CNTN5: variants seen among roughly 807,000 people sequenced by gnomAD.
The protein encoded by CNTN5 is contactin 5.
CNTN5 carries 77 observed loss-of-function variants against 129.1 expected under a neutral mutation model. The observed-to-expected ratio is 0.60, with a 90% CI of 0.50 to 0.72. The LOEUF (loss-of-function observed/expected upper bound fraction) is 0.72. CNTN5 is among the 30% of genes least tolerant of loss of function. The pLI is 0.00. For missense variants in CNTN5, 1,478 were observed against 1,328.8 expected, an observed-to-expected ratio of 1.11 and a Z score of -1.75; for synonymous variants, 509 against 465.6, an observed-to-expected ratio of 1.09 and a Z score of -1.20.
At chr11:99,710,888 C>T (rs989043403) in intron 3 of CNTN5, among the ~76,000 whole-genome samples, 1 of 151,736 alleles carries the variant, frequency 6.6e-6, no homozygotes, top group Non-Finnish European at 1.5e-5. Flanking sequence ...ATATTTAGAA[C>T]ATAACTAAAA....
intron 6 of CNTN5, among the ~76,000 whole-genome samples, chr11:99,853,367 A>ATT (rs1324100266): frequency 6.6e-6 from 1 of 151,774 alleles, no homozygotes; most frequent in Non-Finnish European, 1.5e-5. Context: ...GTATGTGTGT[A>ATT]TATGTAATAT....
chr11:99,236,168 C>T (rs1471249927), intron 1 of CNTN5, among the ~76,000 whole-genome samples: 1 of 152,044 alleles, frequency 6.6e-6, no homozygotes, highest in Non-Finnish European at 1.5e-5. Flanking sequence ...CGGTATACCA[C>T]TCATAATTGA....
At chr11:99,391,008 A>G (rs1299367632) in intron 2 of CNTN5, among the ~76,000 whole-genome samples, 3 of 152,092 alleles carry the variant, frequency 2.0e-5, no homozygotes, top group Non-Finnish European at 4.4e-5. Context: ...TTTTAACTAA[A>G]TAACTTCACT....
At chr11:99,142,536 T>A (rs117736976) in intron 1 of CNTN5, among the ~76,000 whole-genome samples, 1 of 152,074 alleles carries the variant, frequency 6.6e-6, no homozygotes, top group Non-Finnish European at 1.5e-5. Flanking sequence ...GCATTCCAAG[T>A]GAGTGTGACC....
intron 4 of CNTN5, 136 bp downstream of exon 4, chr11:99,819,901 G>C: frequency 1.5e-6 from 1 of 667,792 alleles, no homozygotes; most frequent in Non-Finnish European, 2.5e-6. Flanking sequence ...AATGAAAGCA[G>C]GAGAGTTTTT....
chr11:99,862,936 A>G lies in CNTN5; in HGVS notation c.577+17674A>G, dbSNP rs530202753. On this transcript the variant is annotated intron_variant, in intron 6 of 24. Transcript: ENST00000524871. ...GTGAGAAGTCGATCTGGGGAAGTGT[A>G]TATATATGTGTGTGTTTGGTTGAGA... is the stretch of plus-strand genomic sequence containing the variant. Among the ~76,000 whole-genome samples, 7 of 152,224 alleles carry G rather than the reference A, an allele frequency of 4.6e-5. No homozygotes were observed. The South Asian group carries it at 1.5e-3, about 32-fold the overall frequency.
chr11:99,678,740 A>G (rs768558551), intron 3 of CNTN5, among the ~76,000 whole-genome samples: 1 of 152,086 alleles, frequency 6.6e-6, no homozygotes, highest in Non-Finnish European at 1.5e-5. Context: ...AGAAAGAGGT[A>G]AATTAATGCA....
intron 1 of CNTN5, among the ~76,000 whole-genome samples, chr11:99,176,871 A>G (rs1331262412): frequency 6.6e-6 from 1 of 152,148 alleles, no homozygotes; most frequent in Non-Finnish European, 1.5e-5. Flanking sequence ...TAAATTCTTC[A>G]GTGACTTCCA....
At chr11:100,135,445 G>T (rs1269917241) in intron 13 of CNTN5, among the ~76,000 whole-genome samples, 1 of 152,182 alleles carries the variant, frequency 6.6e-6, no homozygotes, top group Non-Finnish European at 1.5e-5. Context: ...ACAGTGCTGG[G>T]ATTACAGGCA....
chr11:100,195,653 G>T (rs548083673), intron 15 of CNTN5, among the ~76,000 whole-genome samples: 15 of 151,892 alleles, frequency 9.9e-5, no homozygotes, highest in Admixed American at 5.9e-4. Flanking sequence ...TTAGCTTTAA[G>T]GTATAAAGCC....
At chr11:99,322,528 G>A (rs964932078) in intron 1 of CNTN5, among the ~76,000 whole-genome samples, 5 of 152,100 alleles carry the variant, frequency 3.3e-5, no homozygotes, top group African/African-American at 1.2e-4. Context: ...GCTGAATACT[G>A]TCTTGAAGTT....
chr11:99,073,553 C>T (rs555925289), intron 1 of CNTN5, among the ~76,000 whole-genome samples: 92 of 151,902 alleles, frequency 6.1e-4, no homozygotes, highest in African/African-American at 2.0e-3. Context: ...CCCCTTGTCC[C>T]CCCATCCCCT....
intron 3 of CNTN5, among the ~76,000 whole-genome samples, chr11:99,576,455 G>A (rs573639513): frequency 6.6e-6 from 1 of 152,122 alleles, no homozygotes; most frequent in South Asian, 2.1e-4. Flanking sequence ...TAACCCTTTT[G>A]GTAGCCTTTC....
intron 19 of CNTN5, 63 bp from the exon 20 acceptor site, chr11:100,299,099 T>C: frequency 8.9e-7 from 1 of 1,117,800 alleles, no homozygotes; most frequent in Non-Finnish European, 1.3e-6. Context: ...AATTAAGAAT[T>C]TGGAGAAAGT....
At chr11:100,274,499 C>A (rs571914690) in intron 18 of CNTN5, among the ~76,000 whole-genome samples, 17 of 152,226 alleles carry the variant, frequency 1.1e-4, no homozygotes, top group African/African-American at 3.6e-4. Context: ...TATCCAGCAT[C>A]TATAAGGAAC....
chr11:99,832,244 T>C (rs570287585), intron 4 of CNTN5, among the ~76,000 whole-genome samples: 3 of 152,284 alleles, frequency 2.0e-5, no homozygotes, highest in Middle Eastern at 3.4e-3. Flanking sequence ...TAAAATGATA[T>C]ATAACATAAC....
intron 1 of CNTN5, among the ~76,000 whole-genome samples, chr11:99,266,353 C>A (rs1862887775): frequency 6.6e-6 from 1 of 152,070 alleles, no homozygotes; most frequent in Non-Finnish European, 1.5e-5. Flanking sequence ...AATCCCAGTG[C>A]TTTGGAAAGC....
At chr11:99,531,668 C>A (rs931716411) in intron 2 of CNTN5, among the ~76,000 whole-genome samples, 2 of 152,182 alleles carry the variant, frequency 1.3e-5, no homozygotes, top group African/African-American at 2.4e-5. Flanking sequence ...GTGTCCCAAC[C>A]GTTCCAGCCG....
intron 13 of CNTN5, among the ~76,000 whole-genome samples, chr11:100,125,968 T>C (rs1447890657): frequency 6.6e-6 from 1 of 152,136 alleles, no homozygotes. Context: ...TTAACATTGA[T>C]TTTTCTGCAT....
Sources: allele counts gnomAD v4.1 joint callset (sites outside exome capture counted in the v4.1 genomes callset), GRCh38; gene constraint gnomAD v4.1.1; transcripts MANE v1.5; gene names NCBI Gene and HGNC (gene_info 2026-07-23, HGNC 2026-07-21).